Variants in TMEM117 observed in about 807,000 individuals in gnomAD.
TMEM117 encodes transmembrane protein 117.
A neutral mutation model predicts 52.4 loss-of-function variants in TMEM117; 27 were observed. That is an observed-to-expected ratio of 0.51 (90% CI 0.38 to 0.71). TMEM117 has a LOEUF of 0.71. Ranked by LOEUF, TMEM117 falls within the 30% of genes least tolerant of loss-of-function variation. The pLI is 0.00. For synonymous variants in TMEM117, 215 were observed against 206.3 expected, an observed-to-expected ratio of 1.04 and a Z score of -0.36; for missense variants, 556 against 630.5, an observed-to-expected ratio of 0.88 and a Z score of 1.26.
chr12:44,143,692 C>T (rs115427402), intron 4 of TMEM117, 68 bp downstream of exon 4: 11,813 of 1,147,444 alleles, frequency 0.01, 123 homozygotes, highest in African/African-American at 0.047. Context: ...GTTGGACAGA[C>T]ACTGCTTTTG....
chr12:43,948,168 A>G (rs1486123079), intron 3 of TMEM117, among the ~76,000 whole-genome samples: 6 of 152,008 alleles, frequency 3.9e-5, no homozygotes, highest in Non-Finnish European at 7.4e-5. Flanking sequence ...GAGGTAAGTT[A>G]GTTGGTTGAG....
intron 5 of TMEM117, among the ~76,000 whole-genome samples, chr12:44,286,327 A>G (rs1260372824): frequency 6.6e-6 from 1 of 150,680 alleles, no homozygotes; most frequent in East Asian, 1.9e-4. Flanking sequence ...TAATATATAT[A>G]AACATAATAA....
At chr12:44,330,732 ATGATCATATG>A (rs912457333) in intron 6 of TMEM117, among the ~76,000 whole-genome samples, 2 of 152,036 alleles carry the variant, frequency 1.3e-5, no homozygotes, top group African/African-American at 2.4e-5. Flanking sequence ...AAAACAACCA[ATGATCATATG>A]TGATTTGCAG....
At chr12:44,329,406 C>T (rs922628226) in intron 6 of TMEM117, among the ~76,000 whole-genome samples, 4 of 152,030 alleles carry the variant, frequency 2.6e-5, no homozygotes, top group Non-Finnish European at 4.4e-5. Flanking sequence ...CTTCACGTAG[C>T]CAGAATAGTC....
intron 4 of TMEM117, among the ~76,000 whole-genome samples, chr12:44,205,653 A>G (rs957809501): frequency 6.6e-6 from 1 of 152,234 alleles, no homozygotes; most frequent in Non-Finnish European, 1.5e-5. Context: ...CAACAAGCAT[A>G]TGAAGAAAAA....
At chr12:44,034,308 A>G (rs1946678599) in intron 3 of TMEM117, among the ~76,000 whole-genome samples, 1 of 152,332 alleles carries the variant, frequency 6.6e-6, no homozygotes, top group Admixed American at 6.5e-5. Context: ...CTATGAAAAA[A>G]GAGAGATGTA....
intron 3 of TMEM117, among the ~76,000 whole-genome samples, chr12:44,093,371 G>T (rs1394935121): frequency 6.6e-6 from 1 of 151,984 alleles, no homozygotes; most frequent in Admixed American, 6.6e-5. Context: ...ATAATTGTAT[G>T]ATTTTTTAAG....
At chr12:44,149,603 G>A (rs1022942637) in intron 4 of TMEM117, among the ~76,000 whole-genome samples, 1 of 152,084 alleles carries the variant, frequency 6.6e-6, no homozygotes, top group Admixed American at 6.5e-5. Context: ...ATTTTATCAA[G>A]TTAAAAATAG....
chr12:44,289,087 A>G (rs936013533), intron 5 of TMEM117, among the ~76,000 whole-genome samples: 1 of 152,206 alleles, frequency 6.6e-6, no homozygotes, highest in African/African-American at 2.4e-5. Flanking sequence ...TTTTTCAGAT[A>G]TCACATGTAA....
chr12:44,029,359 A>G (rs1361823936), intron 3 of TMEM117, among the ~76,000 whole-genome samples: 2 of 152,186 alleles, frequency 1.3e-5, no homozygotes, highest in Non-Finnish European at 2.9e-5. Flanking sequence ...CTCTTTGCTT[A>G]TGACTATGGT....
chr12:43,864,179 TC>T (rs936101833), intron 2 of TMEM117, among the ~76,000 whole-genome samples: 10 of 152,020 alleles, frequency 6.6e-5, no homozygotes, highest in Non-Finnish European at 8.8e-5. Flanking sequence ...TCTCCCTCAC[TC>T]CCCCCGCAGT....
At chr12:43,926,942 A>G (rs1390088456) in intron 2 of TMEM117, among the ~76,000 whole-genome samples, 1 of 151,924 alleles carries the variant, frequency 6.6e-6, no homozygotes, top group Admixed American at 6.6e-5. Flanking sequence ...GTATCTTTTA[A>G]TATCAACTTT....
chr12:44,339,068 C>T (rs1472159509), intron 6 of TMEM117, among the ~76,000 whole-genome samples: 1 of 152,044 alleles, frequency 6.6e-6, no homozygotes, highest in African/African-American at 2.4e-5. Flanking sequence ...AAAATGACTA[C>T]CCTACCCACT....
chr12:43,849,734 TA>T (rs933139357), intron 2 of TMEM117, among the ~76,000 whole-genome samples: 12 of 152,158 alleles, frequency 7.9e-5, no homozygotes, highest in African/African-American at 2.9e-4. Flanking sequence ...TATGAAATTA[TA>T]TGGAATATTA....
intron 3 of TMEM117, among the ~76,000 whole-genome samples, chr12:43,993,381 A>G (rs1366571387): frequency 6.6e-6 from 1 of 152,144 alleles, no homozygotes; most frequent in Non-Finnish European, 1.5e-5. Flanking sequence ...TGTTACACTT[A>G]TCATTATCAC....
chr12:44,042,197 C>T (rs1382527201), intron 3 of TMEM117, among the ~76,000 whole-genome samples: 1 of 151,858 alleles, frequency 6.6e-6, no homozygotes, highest in Non-Finnish European at 1.5e-5. Context: ...TTCATAAATT[C>T]CCTTTTCAGC....
Position 44,072,983 on chromosome 12 carries a change from A to G in TMEM117, c.411-70542A>G, listed in dbSNP as rs111967249. Among the ~76,000 whole-genome samples the G allele has an allele frequency of 4.1e-3, 622 of 152,170 alleles. 7 individuals are homozygous for G. The highest frequency in any genetic ancestry group is 0.014 in the African/African-American group (596 of 41,528). On this transcript the variant is annotated intron_variant, in intron 3 of 7. Transcript: ENST00000266534. The stretch of plus-strand genomic sequence containing the variant: ...TGTGTGCCTGTAGTCCCACTTACTC[A>G]GAAGGCTGAGGCAGGAGAATCGTTT...
chr12:44,370,505 C>CTTTTTTTTTTTTTTTTT (rs947989035), intron 6 of TMEM117, among the ~76,000 whole-genome samples: 1 of 120,426 alleles, frequency 8.3e-6, no homozygotes, highest in Non-Finnish European at 1.7e-5. Flanking sequence ...CACAGAGATT[C>CTTTTTTTTTTTTTTTTT]TTTTTTTTTT....
chr12:44,091,660 A>G (rs1349212925), intron 3 of TMEM117, among the ~76,000 whole-genome samples: 3 of 152,162 alleles, frequency 2.0e-5, no homozygotes, highest in Non-Finnish European at 2.9e-5. Context: ...TCAGCATTTT[A>G]TTGTCAGTTG....
Sources: allele counts gnomAD v4.1 joint callset (sites outside exome capture counted in the v4.1 genomes callset), GRCh38; gene constraint gnomAD v4.1.1; transcripts MANE v1.5; gene names NCBI Gene and HGNC (gene_info 2026-07-23, HGNC 2026-07-21).